Variants in SLC35D4 observed in about 807,000 individuals in gnomAD.
SLC35D4 encodes the protein UDP-N-acetylglucosamine transporter SLC35D4.
the SLC35D4 span, among the ~76,000 whole-genome samples, chr18:23,310,768 G>A: frequency 1.3e-5 from 2 of 152,098 alleles, no homozygotes. Flanking sequence ...TACCATCTCA[G>A]AAAGAAGTCT....
At chr18:23,325,048 C>T in the SLC35D4 span, among the ~76,000 whole-genome samples, 6 of 152,026 alleles carry the variant, frequency 3.9e-5, no homozygotes, top group East Asian at 1.9e-4. Context: ...AGAGCGTCTC[C>T]GAGCCCCGTG....
the SLC35D4 span, among the ~76,000 whole-genome samples, chr18:23,245,444 G>A: frequency 6.6e-6 from 1 of 150,574 alleles, no homozygotes; most frequent in Non-Finnish European, 1.5e-5. Flanking sequence ...CCGGGAGGCG[G>A]AAGTTGCAGT....
chr18:23,241,456 G>T, the SLC35D4 span, among the ~76,000 whole-genome samples: 4 of 147,130 alleles, frequency 2.7e-5, no homozygotes, highest in African/African-American at 1.0e-4. Context: ...GCTTAAACCC[G>T]GGAGGTGGAG....
the SLC35D4 span, among the ~76,000 whole-genome samples, chr18:23,371,175 C>T: frequency 6.6e-5 from 10 of 151,556 alleles, no homozygotes; most frequent in Non-Finnish European, 1.3e-4. Context: ...ACTCCTGCAG[C>T]CTCGACCTCC....
chr18:23,299,140 GC>G, the SLC35D4 span, among the ~76,000 whole-genome samples: 1 of 152,170 alleles, frequency 6.6e-6, no homozygotes, highest in Admixed American at 6.5e-5. Context: ...TCAAGCTCTG[GC>G]GCAGGCATTT....
chr18:23,394,663 T>C, the SLC35D4 span, among the ~76,000 whole-genome samples: 3 of 151,852 alleles, frequency 2.0e-5, no homozygotes, highest in African/African-American at 7.3e-5. Context: ...CCCCCAGGAG[T>C]TCAATGTTAA....
the SLC35D4 span, among the ~76,000 whole-genome samples, chr18:23,392,714 G>C: frequency 6.6e-6 from 1 of 152,182 alleles, no homozygotes; most frequent in Non-Finnish European, 1.5e-5. Context: ...GGTGGGAATG[G>C]TGGGCGGACT....
At chr18:23,421,315 A>C in the SLC35D4 span, 2 of 1,455,976 alleles carry the variant, frequency 1.4e-6, no homozygotes, top group East Asian at 4.5e-5. Context: ...ATATAATATC[A>C]AAAGCAAGCA....
At chr18:23,331,883 CTTTTTTTTTT>C in the SLC35D4 span, among the ~76,000 whole-genome samples, 354 of 102,982 alleles carry the variant, frequency 3.4e-3, 1 homozygote, top group Middle Eastern at 7.4e-3. Context: ...TTGAACATGT[CTTTTTTTTTT>C]TTTTTTTTTT....
the SLC35D4 span, among the ~76,000 whole-genome samples, chr18:23,274,933 G>T: frequency 6.6e-6 from 1 of 152,106 alleles, no homozygotes; most frequent in Non-Finnish European, 1.5e-5. Flanking sequence ...GTGTGTGCTT[G>T]TGTGTGTTTG....
At chr18:23,357,196 C>A in the SLC35D4 span, among the ~76,000 whole-genome samples, 1 of 152,080 alleles carries the variant, frequency 6.6e-6, no homozygotes, top group Non-Finnish European at 1.5e-5. Flanking sequence ...ACTGCCCTGA[C>A]ATTTTTTTTT....
the SLC35D4 span, among the ~76,000 whole-genome samples, chr18:23,290,793 A>AT: frequency 0.034 from 4,819 of 143,728 alleles, 126 homozygotes; most frequent in African/African-American, 0.072. Flanking sequence ...CACCCTGCTA[A>AT]TTTTTTTTTT....
At chr18:23,388,440 A>T in the SLC35D4 span, among the ~76,000 whole-genome samples, 1 of 152,200 alleles carries the variant, frequency 6.6e-6, no homozygotes, top group Admixed American at 6.5e-5. Context: ...CACTTGCTCG[A>T]GTATTCACAG....
the SLC35D4 span, among the ~76,000 whole-genome samples, chr18:23,246,422 T>C: frequency 5.3e-5 from 8 of 152,062 alleles, no homozygotes; most frequent in Non-Finnish European, 8.8e-5. Flanking sequence ...GACGGAGTCT[T>C]GCTCTGTCGC....
At chr18:23,399,785 A>G in the SLC35D4 span, 1 of 745,224 alleles carries the variant, frequency 1.3e-6, no homozygotes, top group Non-Finnish European at 2.3e-6. Context: ...TTGTTAAGTG[A>G]GATGTAGTCT....
the SLC35D4 span, among the ~76,000 whole-genome samples, chr18:23,290,507 G>A: frequency 6.6e-6 from 1 of 152,200 alleles, no homozygotes; most frequent in Non-Finnish European, 1.5e-5. Context: ...CTAAGTGGGT[G>A]TGTGTGATTC....
At chr18:23,371,203 TC>T in the SLC35D4 span, among the ~76,000 whole-genome samples, 1 of 151,804 alleles carries the variant, frequency 6.6e-6, no homozygotes, top group African/African-American at 2.4e-5. Flanking sequence ...CAGGTGATCC[TC>T]CCACCTCAGC....
At chr18:23,329,480 G>A in the SLC35D4 span, among the ~76,000 whole-genome samples, 2 of 152,206 alleles carry the variant, frequency 1.3e-5, no homozygotes, top group Non-Finnish European at 2.9e-5. Flanking sequence ...GGTCATCAGA[G>A]AAATGCAAAT....
the SLC35D4 span, among the ~76,000 whole-genome samples, chr18:23,374,343 C>T: frequency 6.6e-6 from 1 of 152,066 alleles, no homozygotes; most frequent in Non-Finnish European, 1.5e-5. Flanking sequence ...GATTGAACCA[C>T]GAGGAAACAC....
Sources: allele counts gnomAD v4.1 joint callset (sites outside exome capture counted in the v4.1 genomes callset), GRCh38; gene constraint gnomAD v4.1.1; transcripts MANE v1.5; gene names NCBI Gene and HGNC (gene_info 2026-07-23, HGNC 2026-07-21).